The following PACRG variants were observed in gnomAD, a reference collection of about 807,000 sequenced individuals.
PACRG encodes the protein parkin coregulated.
A neutral mutation model predicts 29.7 loss-of-function variants in PACRG; 29 were observed. The observed-to-expected ratio is 0.98, with a 90% CI of 0.73 to 1.33. The LOEUF is 1.33. PACRG is among the 40% of genes most tolerant of loss of function. The pLI, the probability that PACRG is intolerant of heterozygous loss-of-function variation, is 0.00. For synonymous variants in PACRG, 116 were observed against 118.7 expected (o/e 0.98, Z 0.15); for missense variants, 279 against 316.2 (o/e 0.88, Z 0.89).
chr6:163,302,616 C>A (rs1785046650), intron 4 of PACRG, among the ~76,000 whole-genome samples: 1 of 152,052 alleles, frequency 6.6e-6, no homozygotes. Flanking sequence ...TGAGATATTC[C>A]CACTCTGTAA....
chr6:163,312,400 C>A (rs199635401), intron 4 of PACRG, among the ~76,000 whole-genome samples: 1 of 152,162 alleles, frequency 6.6e-6, no homozygotes, highest in East Asian at 1.9e-4. Flanking sequence ...TGCCCACCTT[C>A]TTCCTTAACA....
chr6:163,181,604 C>CAAAA (rs544633309), intron 4 of PACRG, among the ~76,000 whole-genome samples: 45 of 65,114 alleles, frequency 6.9e-4, no homozygotes, highest in African/African-American at 2.7e-3. Context: ...CTTGAGGTGG[C>CAAAA]AAAAAAAAAA....
At chr6:162,814,426 C>A in intron 2 of PACRG, 145 bp downstream of exon 2, 1 of 1,013,076 alleles carries the variant, frequency 9.9e-7, no homozygotes. Flanking sequence ...AGAGAAAGCC[C>A]CCCTGTGTCA....
At chr6:163,223,090 A>G (rs567864925) in intron 4 of PACRG, among the ~76,000 whole-genome samples, 1 of 152,336 alleles carries the variant, frequency 6.6e-6, no homozygotes, top group East Asian at 1.9e-4. Flanking sequence ...CTAGGGAAAA[A>G]GAAGTAAAAC....
intron 4 of PACRG, among the ~76,000 whole-genome samples, chr6:163,300,637 T>C (rs1585411946): frequency 6.6e-6 from 1 of 152,242 alleles, no homozygotes; most frequent in Non-Finnish European, 1.5e-5. Flanking sequence ...ATTGGAATTA[T>C]AACACATGTA....
chr6:163,197,609 A>T (rs62429968), intron 4 of PACRG, among the ~76,000 whole-genome samples: 7 of 124,462 alleles, frequency 5.6e-5, no homozygotes, highest in Non-Finnish European at 1.2e-4. Context: ...ACGCCCGGCT[A>T]ATTTTTTTTT....
chr6:163,206,356 A>G (rs1227810688), intron 4 of PACRG, among the ~76,000 whole-genome samples: 2 of 152,246 alleles, frequency 1.3e-5, no homozygotes, highest in African/African-American at 4.8e-5. Context: ...TAGTACATAC[A>G]TACCATGGAA....
rs542691414 is a variant in PACRG, at chr6:163,147,702, A to G, written c.613+58294A>G. On this transcript the variant is annotated intron_variant, in intron 4 of 4. Transcript: ENST00000366888. ...CAGAGGGAAATAAAAAGTATTGAGCATGTGAGTTACAGCCTTCCATAATAT... is the reference window on the plus strand; with the variant it reads ...CAGAGGGAAATAAAAAGTATTGAGCGTGTGAGTTACAGCCTTCCATAATAT... Among the ~76,000 whole-genome samples the G allele has an allele frequency of 1.8e-4, 28 of 152,342 alleles. No homozygotes were observed. The East Asian group carries it at 5.4e-3, about 29-fold the overall frequency.
intron 4 of PACRG, among the ~76,000 whole-genome samples, chr6:163,172,085 T>C (rs1373736603): frequency 6.6e-6 from 1 of 152,210 alleles, no homozygotes; most frequent in East Asian, 1.9e-4. Context: ...TAGAAATATC[T>C]TTCACTGTAA....
intron 4 of PACRG, among the ~76,000 whole-genome samples, chr6:163,182,162 C>G (rs553722813): frequency 1.5e-4 from 23 of 152,134 alleles, no homozygotes; most frequent in Admixed American, 6.5e-5. Context: ...TTCCACGGTC[C>G]GGTGGTGAAA....
intron 1 of PACRG, among the ~76,000 whole-genome samples, chr6:162,732,216 C>T (rs573355682): frequency 6.6e-6 from 1 of 152,264 alleles, no homozygotes; most frequent in South Asian, 2.1e-4. Context: ...GTACCTGTCT[C>T]CTCAGGAAAA....
chr6:162,901,543 C>T (rs1351521758), intron 2 of PACRG, among the ~76,000 whole-genome samples: 1 of 152,136 alleles, frequency 6.6e-6, no homozygotes, highest in African/African-American at 2.4e-5. Flanking sequence ...TATCCTAATA[C>T]TTGTTTTCAA....
intron 1 of PACRG, among the ~76,000 whole-genome samples, chr6:162,794,817 A>C (rs1181135358): frequency 6.6e-6 from 1 of 152,214 alleles, no homozygotes; most frequent in Admixed American, 6.5e-5. Context: ...CAAAACAAAC[A>C]ATGATTCCTC....
chr6:162,910,180 ATTATTC>A (rs1796212967), intron 2 of PACRG, among the ~76,000 whole-genome samples: 1 of 152,200 alleles, frequency 6.6e-6, no homozygotes, highest in African/African-American at 2.4e-5. Context: ...CATAAACATA[ATTATTC>A]TTATTTCTTA....
intron 2 of PACRG, among the ~76,000 whole-genome samples, chr6:162,894,226 C>T (rs1794992785): frequency 6.6e-6 from 1 of 152,182 alleles, no homozygotes; most frequent in Non-Finnish European, 1.5e-5. Flanking sequence ...ACAGCATTTG[C>T]ATGGAGCACC....
At chr6:163,012,423 A>G (rs145116693) in intron 2 of PACRG, among the ~76,000 whole-genome samples, 18 of 152,374 alleles carry the variant, frequency 1.2e-4, no homozygotes, top group African/African-American at 4.3e-4. Flanking sequence ...AATAACAAGG[A>G]ACACAAAGAA....
intron 4 of PACRG, among the ~76,000 whole-genome samples, chr6:163,188,314 G>C (rs1485588479): frequency 1.3e-5 from 2 of 152,190 alleles, no homozygotes; most frequent in Non-Finnish European, 2.9e-5. Context: ...TGGAAAACCT[G>C]TTTTGATGAC....
chr6:163,095,374 G>A (rs1300308565), intron 4 of PACRG: 2 of 985,430 alleles, frequency 2.0e-6, no homozygotes, highest in Non-Finnish European at 2.4e-6. Context: ...GGATTATTCT[G>A]AGTTGTCTGT....
chr6:163,085,475 G>A (rs1047215264), intron 3 of PACRG, among the ~76,000 whole-genome samples: 1 of 152,126 alleles, frequency 6.6e-6, no homozygotes, highest in African/African-American at 2.4e-5. Context: ...CCCTCCTTTT[G>A]TATGCACCTC....
Sources: gnomAD v4.1 joint callset for allele counts (sites outside exome capture counted in the v4.1 genomes callset) on GRCh38, gnomAD v4.1.1 for gene constraint, MANE v1.5 for transcripts, NCBI Gene and HGNC (gene_info 2026-07-23, HGNC 2026-07-21) for gene names.